Variants in C3 observed in about 807,000 individuals in gnomAD.
C3 encodes the protein C3 and PZP-like alpha-2-macroglobulin domain-containing protein 1.
C3 carries 97 observed loss-of-function variants against 207.9 expected under a neutral mutation model. That is an observed-to-expected ratio of 0.47 (90% CI 0.40 to 0.55). The LOEUF (loss-of-function observed/expected upper bound fraction) is 0.55. C3 is among the 20% of genes least tolerant of loss of function. The probability of loss-of-function intolerance (pLI) is 0.00; values close to 1 mark genes in which losing one functional copy is unlikely to be tolerated. For synonymous variants in C3, 848 were observed against 857.6 expected (o/e 0.99, Z 0.20); for missense variants, 1,684 against 2,171.7 (o/e 0.78, Z 4.46).
Position 6,705,729 on chromosome 19 carries a change from C to T in C3, c.2245+1347G>A, listed in dbSNP as rs535299957. Reference sequence around the variant, plus strand: ...TTGCTCTGTTGCCCAGGCTGGAGTGCAGTGGCACAATCTCAGCTCACTGCA... The same window carrying T: ...TTGCTCTGTTGCCCAGGCTGGAGTGTAGTGGCACAATCTCAGCTCACTGCA... On this transcript the variant is annotated intron_variant, in intron 17 of 40. Transcript: ENST00000245907. 2.0e-5 allele frequency among the ~76,000 whole-genome samples: 3 copies of T among 151,088 alleles called. No homozygotes were observed. The South Asian group carries it at 6.3e-4, about 32-fold the overall frequency.
chr19:6,718,518 G>A, intron 2 of C3, 106 bp from the exon 3 acceptor site: 1 of 1,374,554 alleles, frequency 7.3e-7, no homozygotes, highest in Non-Finnish European at 1.0e-6. Flanking sequence ...CATTATTCTT[G>A]GTCTTCCGAG....
intron 4 of C3, chr19:6,717,570 TTTTGTGTGTG>T (rs1968059406): frequency 1.2e-5 from 3 of 242,928 alleles, no homozygotes; most frequent in Admixed American, 1.0e-4. Context: ...GTGTGTTGTG[TTTTGTGTGTG>T]TTGTGTGTGT....
rs1968114893 is a variant in C3, at chr19:6,719,203, G to A, written c.267+8C>T. The A allele has an allele frequency of 3.7e-6, 6 of 1,612,362 alleles. No homozygotes were observed. Among genetic ancestry groups the A allele is most frequent in the Non-Finnish European group, 5.1e-6 (6 of 1,178,516 alleles). ...TGTCAGCCGGGTCCTGCGCCAGTCTGCACTCACCGTGAAGGTGACGTTGCC... is the reference window on the plus strand; with the variant it reads ...TGTCAGCCGGGTCCTGCGCCAGTCTACACTCACCGTGAAGGTGACGTTGCC... On this transcript the variant is annotated splice_region_variant and intron_variant, in intron 2 of 40. Transcript: ENST00000245907. The surrounding 1 kb of genome is among the most constrained non-coding windows in gnomAD (Gnocchi z 5.4).
At chr19:6,695,373 C>T (rs1283192803) in intron 23 of C3, among the ~76,000 whole-genome samples, 2 of 152,172 alleles carry the variant, frequency 1.3e-5, no homozygotes, top group South Asian at 2.1e-4. Context: ...AGCCTTATAG[C>T]TTACAGGTTG....
Position 6,684,724 on chromosome 19 carries a change from C to T in C3, c.4029+51G>A, listed in dbSNP as rs1404374396. ...TGCTGGGGACAAGAGGAGATGGTCC[C>T]TCTGGGGCAGAGGGGCATGGGCCAG... On this transcript the variant is annotated intron_variant, in intron 31 of 40. Transcript: ENST00000245907. The T allele has an allele frequency of 3.7e-6, 6 of 1,608,474 alleles. No homozygotes were observed. The African/African-American group carries it at 5.3e-5, about 14-fold the overall frequency.
intron 4 of C3, chr19:6,717,743 T>TTC (rs1968068512): frequency 2.7e-6 from 1 of 369,256 alleles, no homozygotes; most frequent in African/African-American, 3.7e-5. Flanking sequence ...GTGTTGTGTG[T>TTC]TGTGTGTGTG....
intron 4 of C3, 152 bp from the exon 5 acceptor site, chr19:6,714,598 A>G (rs532818513): frequency 2.2e-5 from 15 of 689,378 alleles, no homozygotes; most frequent in Admixed American, 1.6e-4. Context: ...GCAGCGGCTC[A>G]CGCCTGTCAT....
At position 6,705,445 on chromosome 19, in the gene C3, C is replaced by T. The variant is rs1446530869; in HGVS notation, c.2245+1631G>A. 1.0e-4 allele frequency among the ~76,000 whole-genome samples: 15 copies of T among 149,952 alleles called. 1 individual carries two copies. Among genetic ancestry groups the T allele is most frequent in the Middle Eastern group, 7.0e-3 (2 of 284 alleles). Reference sequence around the variant, plus strand: ...GACGCCTCCATCTCCTGGGTTCAAACGATCCTCCCACCTCAGCCTCCTGAG... The same window carrying T: ...GACGCCTCCATCTCCTGGGTTCAAATGATCCTCCCACCTCAGCCTCCTGAG... On this transcript the variant is annotated intron_variant, in intron 17 of 40. Coordinates refer to ENST00000245907, the MANE Select transcript of C3 (RefSeq NM_000064.4).
chr19:6,710,924 G>A, intron 12 of C3, 63 bp downstream of exon 12: 1 of 1,601,198 alleles, frequency 6.2e-7, no homozygotes, highest in South Asian at 1.1e-5. Context: ...GGGGGAAGGA[G>A]TCCCAGGGGT....
At chr19:6,693,947 GGGC>G (rs1918234886) in intron 24 of C3, among the ~76,000 whole-genome samples, 1 of 145,042 alleles carries the variant, frequency 6.9e-6, no homozygotes, top group Non-Finnish European at 1.5e-5. Context: ...GGGCCTCAGA[GGGC>G]GTGGCCTTGA....
intron 29 of C3, 115 bp downstream of exon 29, chr19:6,686,009 C>G: frequency 1.9e-6 from 2 of 1,055,754 alleles, no homozygotes; most frequent in Admixed American, 3.4e-5. Context: ...TGCAATCACA[C>G]TGGCTCGTGG....
intron 35 of C3, among the ~76,000 whole-genome samples, chr19:6,680,863 G>T (rs980311930): frequency 6.6e-6 from 1 of 152,076 alleles, no homozygotes; most frequent in East Asian, 1.9e-4. Flanking sequence ...CCCAAATCAT[G>T]GTAGAGATGA....
At chr19:6,693,738 G>A (rs960029969) in intron 24 of C3, among the ~76,000 whole-genome samples, 1 of 151,582 alleles carries the variant, frequency 6.6e-6, no homozygotes, top group Non-Finnish European at 1.5e-5. Context: ...TTTCAGGGAG[G>A]GGAGGGCTCT....
At chr19:6,718,766 G>A (rs747513771) in intron 2 of C3, among the ~76,000 whole-genome samples, 108 of 150,802 alleles carry the variant, frequency 7.2e-4, no homozygotes, top group Non-Finnish European at 1.3e-3. Flanking sequence ...GAGTTCAGAA[G>A]AGGAGACTTC....
At chr19:6,698,007 ATTATTATTATTATTAT>A (rs755235710) in intron 19 of C3, among the ~76,000 whole-genome samples, 54,592 of 149,564 alleles carry the variant, frequency 0.37, 10,580 homozygotes, top group Middle Eastern at 0.5. Flanking sequence ...TATTATTATT[ATTATTATTATTATTAT>A]TATTAATTAT....
intron 24 of C3, among the ~76,000 whole-genome samples, chr19:6,694,139 T>G (rs1209305326): frequency 1.7e-4 from 17 of 97,726 alleles, no homozygotes; most frequent in East Asian, 3.0e-4. Context: ...GAGCCTGGCC[T>G]GGGAGGAGTC....
At chr19:6,706,357 C>CT (rs1405090110) in intron 17 of C3, among the ~76,000 whole-genome samples, 2 of 152,222 alleles carry the variant, frequency 1.3e-5, no homozygotes, top group African/African-American at 4.8e-5. Context: ...CCCCATCAGA[C>CT]TAGGCCCTTC....
At position 6,712,664 on chromosome 19, in the gene C3, C is replaced by T. The variant is rs1310629287; in HGVS notation, c.1004-41G>A. 6 of 1,546,614 alleles carry T rather than the reference C, an allele frequency of 3.9e-6. No homozygotes were observed. In the South Asian group the frequency reaches 6.7e-5, roughly 17 times the overall value. ...GTGAGTGTAGGCTTCTGGGCCACCC[C>T]TCAGGATTAGACCTCCTCCCTCAGA... is the stretch of plus-strand genomic sequence containing the variant. On this transcript the variant is annotated intron_variant, in intron 9 of 40. Transcript: ENST00000245907.
intron 36 of C3, 142 bp from the exon 37 acceptor site, chr19:6,679,638 AC>A: frequency 1.4e-6 from 1 of 709,714 alleles, no homozygotes; most frequent in Non-Finnish European, 2.6e-6. Flanking sequence ...AGACCCCAAG[AC>A]CCCCTCTACT....
Sources: allele counts gnomAD v4.1 joint callset (sites outside exome capture counted in the v4.1 genomes callset), GRCh38; gene constraint gnomAD v4.1.1; non-coding constraint Gnocchi (gnomAD v3.1); transcripts MANE v1.5; gene names NCBI Gene and HGNC (gene_info 2026-07-23, HGNC 2026-07-21).